The following PCDHGA8 variants were observed in gnomAD, a reference collection of about 807,000 sequenced individuals.
PCDHGA8 encodes protocadherin gamma subfamily A, 8.
Under a neutral mutation model 59.2 loss-of-function variants are expected in PCDHGA8, and 45 were observed. That is an observed-to-expected ratio of 0.76 (90% CI 0.60 to 0.98). The LOEUF (loss-of-function observed/expected upper bound fraction) is 0.98, where lower values mean the gene tolerates loss of function less well. Ranked by LOEUF, PCDHGA8 falls within the 50% of genes least tolerant of loss-of-function variation. The probability of loss-of-function intolerance (pLI) is 0.00; values close to 1 mark genes in which losing one functional copy is unlikely to be tolerated. For synonymous variants in PCDHGA8, 531 were observed against 519.0 expected, an observed-to-expected ratio of 1.02 and a Z score of -0.32; for missense variants, 1,257 against 1,196.2, an observed-to-expected ratio of 1.05 and a Z score of -0.75.
At chr5:141,401,033 C>T (rs1437899833) in intron 1 of PCDHGA8, among the ~76,000 whole-genome samples, 1 of 152,016 alleles carries the variant, frequency 6.6e-6, no homozygotes, top group Non-Finnish European at 1.5e-5. Context: ...TTTGAATCTC[C>T]TAAAATTTTA....
chr5:141,458,104 A>G (rs969775517), intron 1 of PCDHGA8, among the ~76,000 whole-genome samples: 6 of 152,232 alleles, frequency 3.9e-5, no homozygotes, highest in Non-Finnish European at 8.8e-5. Flanking sequence ...ACTTACAGAT[A>G]GTCTCCAAAT....
Position 141,393,465 on chromosome 5 carries a change from G to T in PCDHGA8, c.652G>T (p.Gly218Cys). Residue 218 changes from glycine (G) to cysteine (C), a missense_variant, in exon 1 of 4, where the codon GGC becomes TGC. Physicochemically the swap from Gly to Cys is radical, Grantham distance 159 (BLOSUM62 -3). Transcript: ENST00000398604. ...HHLVLTASDGGKPPRSSTVRI... is the reference protein window; with the variant it reads ...HHLVLTASDGCKPPRSSTVRI... ...CCTGGTCCTCACGGCCTCGGATGGC[G>T]GCAAGCCGCCTCGCTCTAGCACAGT... 6.2e-7 allele frequency: 1 copy of T among 1,614,048 alleles called. No homozygotes were observed. The highest frequency in any genetic ancestry group is 8.5e-7 in the Non-Finnish European group (1 of 1,179,910).
In PCDHGA8 at chr5:141,489,372, G is replaced by A. The variant is rs1335356378; in HGVS notation, c.2425-5435G>A. 2 of 1,613,814 alleles carry A rather than the reference G, an allele frequency of 1.2e-6. No individual in the cohort carries two copies. Among genetic ancestry groups the A allele is most frequent in the Non-Finnish European group, 1.7e-6 (2 of 1,179,700 alleles). On this transcript the variant is annotated intron_variant, in intron 1 of 3. Transcript: ENST00000398604. The surrounding 1 kb of genome is among the most constrained non-coding windows in gnomAD (Gnocchi z 4.5). ...TGGAGGAGTCTGAGCCGGGGACGCT[G>A]GTGGGGAATGTTGCTCAGGATCTGG...
intron 1 of PCDHGA8, chr5:141,414,088 A>T: frequency 6.3e-7 from 1 of 1,599,384 alleles, no homozygotes; most frequent in African/African-American, 1.3e-5. Context: ...TACTGGAGAA[A>T]TAAAAATATC....
chr5:141,395,075 C>A lies in PCDHGA8; in HGVS notation c.2262C>A (p.Ser754=). 6.2e-7 allele frequency: 1 copy of A among 1,614,124 alleles called. No individual in the cohort carries two copies. The highest frequency in any genetic ancestry group is 8.5e-7 in the Non-Finnish European group (1 of 1,180,012). ...TACAGGCTTTCCTGCAGACCTATTC[C>A]CAGGAAGTCTCCCTCACCGCCGACT... ...EEVQAFLQTY[S]QEVSLTADSR... Residue 754 remains serine (S), a synonymous_variant, in exon 1 of 4, where the codon TCC becomes TCA. Transcript: ENST00000398604.
chr5:141,427,768 A>C (rs1003238906), intron 1 of PCDHGA8: 4 of 1,393,994 alleles, frequency 2.9e-6, no homozygotes, highest in Non-Finnish European at 4.0e-6. Context: ...ACTGACTTGG[A>C]GCTGCGGGCA....
At chr5:141,401,214 C>T (rs894124786) in intron 1 of PCDHGA8, among the ~76,000 whole-genome samples, 4 of 151,920 alleles carry the variant, frequency 2.6e-5, no homozygotes, top group Non-Finnish European at 4.4e-5. Context: ...TGGTGGCGGG[C>T]GCCTGTAATC....
chr5:141,459,947 A>T (rs2098978538), intron 1 of PCDHGA8, among the ~76,000 whole-genome samples: 1 of 152,200 alleles, frequency 6.6e-6, no homozygotes, highest in African/African-American at 2.4e-5. Context: ...GCGTGATGGC[A>T]GGTGCCTGTA....
At chr5:141,397,361 G>A (rs2093513931) in intron 1 of PCDHGA8, among the ~76,000 whole-genome samples, 1 of 152,164 alleles carries the variant, frequency 6.6e-6, no homozygotes. Flanking sequence ...TCAGGAAGAG[G>A]AGATGTTTGG....
At chr5:141,474,041 GC>G (rs1242668125) in intron 1 of PCDHGA8, among the ~76,000 whole-genome samples, 3 of 152,140 alleles carry the variant, frequency 2.0e-5, no homozygotes. Context: ...CTGTACTCCA[GC>G]CTGGATGACA....
Position 141,416,159 on chromosome 5 carries a change from T to C in PCDHGA8, c.2424+20922T>C, listed in dbSNP as rs116406525. ...CTATACTTTGTGGTGATAGTTGCAG[T>C]TGAATATACTAAGTTTTTCATTAAT... On this transcript the variant is annotated intron_variant, in intron 1 of 3. Transcript: ENST00000398604. 1,471 of 153,024 alleles carry C rather than the reference T, an allele frequency of 9.6e-3. 10 individuals carry two copies. Among genetic ancestry groups the C allele is most frequent in the Non-Finnish European group, 0.015 (1,026 of 68,518 alleles). 9.5% of individuals were successfully genotyped at this position (153,024 alleles called of 1,614,324 possible).
At chr5:141,497,568 C>G (rs1012946741) in intron 2 of PCDHGA8, among the ~76,000 whole-genome samples, 2 of 140,602 alleles carry the variant, frequency 1.4e-5, no homozygotes, top group African/African-American at 5.4e-5. Flanking sequence ...TAGACAGAGT[C>G]TTGCTCTGTT....
intron 3 of PCDHGA8, among the ~76,000 whole-genome samples, chr5:141,507,784 T>C (rs2099863290): frequency 6.6e-6 from 1 of 152,136 alleles, no homozygotes; most frequent in Non-Finnish European, 1.5e-5. Context: ...GGCCTGACCC[T>C]CGTCTAAGCC....
At chr5:141,413,950 T>C (rs1448967281) in intron 1 of PCDHGA8, 1 of 1,613,264 alleles carries the variant, frequency 6.2e-7, no homozygotes. Context: ...TCCTGAGAAT[T>C]TGCCTGTGGG....
intron 1 of PCDHGA8, chr5:141,422,628 C>A: frequency 6.2e-7 from 1 of 1,613,410 alleles, no homozygotes; most frequent in Non-Finnish European, 8.5e-7. Context: ...AAAACAACCC[C>A]AGGGGTGCCT....
intron 3 of PCDHGA8, chr5:141,508,010 CAAG>C (rs2099865550): frequency 6.6e-6 from 1 of 152,308 alleles, no homozygotes; most frequent in Non-Finnish European, 1.5e-5. Context: ...GGGATGCTCT[CAAG>C]GAGGCTGCGG....
chr5:141,473,033 GGAAA>G (rs1282468299), intron 1 of PCDHGA8, among the ~76,000 whole-genome samples: 6 of 146,356 alleles, frequency 4.1e-5, no homozygotes, highest in South Asian at 2.2e-4. Flanking sequence ...AAGGAAGGAA[GGAAA>G]GAAAGAAAGA....
intron 1 of PCDHGA8, chr5:141,426,390 C>T (rs1211244710): frequency 7.9e-6 from 2 of 252,180 alleles, no homozygotes; most frequent in African/African-American, 4.4e-5. Flanking sequence ...AGATCCGCTA[C>T]TCTATTCCAG....
chr5:141,412,108 G>A (rs897331971), intron 1 of PCDHGA8: 2 of 152,198 alleles, frequency 1.3e-5, no homozygotes, highest in Admixed American at 6.5e-5. Flanking sequence ...CACAGTTGAA[G>A]ATATGTGAAC....
Sources: gnomAD v4.1 joint callset for allele counts (sites outside exome capture counted in the v4.1 genomes callset) on GRCh38, gnomAD v4.1.1 for gene constraint, Gnocchi (gnomAD v3.1) non-coding constraint, MANE v1.5 for transcripts, NCBI Gene and HGNC (gene_info 2026-07-23, HGNC 2026-07-21) for gene names.